The following P2RX5 variants were observed in gnomAD, a reference collection of about 807,000 sequenced individuals.
P2RX5 encodes P2X purinoceptor 5.
Under a neutral mutation model 54.1 loss-of-function variants are expected in P2RX5, and 46 were observed. That is an observed-to-expected ratio of 0.85 (90% confidence interval 0.67 to 1.09). The LOEUF (loss-of-function observed/expected upper bound fraction) is 1.09, where lower values mean the gene tolerates loss of function less well. P2RX5 is among the 50% of genes least tolerant of loss of function. The pLI is 0.00. For missense variants in P2RX5, 566 were observed against 549.8 expected (o/e 1.03, Z -0.29); for synonymous variants, 226 against 226.4 (o/e 1.00, Z 0.02).
At position 3,691,808 on chromosome 17, in the gene P2RX5, G is replaced by T. The variant is rs777411209; in HGVS notation, c.138-14C>A. On this transcript the variant is annotated splice_polypyrimidine_tract_variant and intron_variant, in intron 1 of 11. Coordinates refer to ENST00000225328, the MANE Select transcript of P2RX5 (RefSeq NM_002561.4). ...AGGAACACCCATCTGTGGGAAGGGG[G>T]CCGGTACGTGGGCATCAGCCACTCT... 1 of 1,614,002 alleles carries T rather than the reference G, an allele frequency of 6.2e-7. No individual in the cohort carries two copies. Among genetic ancestry groups the T allele is most frequent in the South Asian group, 1.1e-5 (1 of 91,088 alleles).
At chr17:3,695,169 C>T (rs1463766394) in intron 1 of P2RX5, among the ~76,000 whole-genome samples, 1 of 152,182 alleles carries the variant, frequency 6.6e-6, no homozygotes, top group Non-Finnish European at 1.5e-5. Context: ...CCTGCTCACC[C>T]CCGACCCACC....
the P2RX5 span, among the ~76,000 whole-genome samples, chr17:3,705,713 A>C: frequency 1.3e-5 from 2 of 152,180 alleles, no homozygotes; most frequent in African/African-American, 4.8e-5. Flanking sequence ...TGAAATTTCT[A>C]ATCACCCATT....
In P2RX5 at chr17:3,673,893, A is replaced by G. The variant is rs755034172; in HGVS notation, c.1260-16T>C. Reference sequence around the variant, plus strand: ...TCACGTGCTCCTGGAATATCAGAACAGAAAGGAGCTCTTGAGAGGCTGGCA... The same window carrying G: ...TCACGTGCTCCTGGAATATCAGAACGGAAAGGAGCTCTTGAGAGGCTGGCA... On this transcript the variant is annotated splice_polypyrimidine_tract_variant and intron_variant, in intron 11 of 11. Coordinates refer to ENST00000225328, the MANE Select transcript of P2RX5 (RefSeq NM_002561.4). The G allele has an allele frequency of 5.0e-6, 8 of 1,608,648 alleles. No individual in the cohort carries two copies. The East Asian group carries it at 1.3e-4, about 27-fold the overall frequency.
At chr17:3,723,563 G>A in the P2RX5 span, 6 of 1,114,736 alleles carry the variant, frequency 5.4e-6, no homozygotes, top group Non-Finnish European at 7.8e-6. Context: ...GACGAAGCTA[G>A]GGAGGGCCTG....
the P2RX5 span, among the ~76,000 whole-genome samples, chr17:3,718,731 A>G: frequency 1.3e-5 from 2 of 152,248 alleles, no homozygotes; most frequent in African/African-American, 2.4e-5. Context: ...TGTGCACATA[A>G]GAAACTTAAT....
intron 11 of P2RX5, chr17:3,677,669 G>A (rs550899463): frequency 6.2e-5 from 61 of 985,238 alleles, no homozygotes; most frequent in South Asian, 6.1e-4. Flanking sequence ...AATTACACGC[G>A]GGCCCCTCTC....
intron 9 of P2RX5, chr17:3,682,521 C>T (rs1407659019): frequency 2.7e-5 from 5 of 184,898 alleles, no homozygotes; most frequent in South Asian, 1.0e-4. Flanking sequence ...AGGGCCTGTG[C>T]GGGAAGAGGG....
upstream of P2RX5, among the ~76,000 whole-genome samples, chr17:3,700,698 C>T (rs191400390): frequency 4.8e-4 from 73 of 152,244 alleles, 1 homozygote; most frequent in Admixed American, 1.9e-3. Context: ...GCCTAGTGGG[C>T]GGTGTAGGGT....
chr17:3,680,399 ATCCTCCACCCAGCG>A (rs2050228753), intron 10 of P2RX5, among the ~76,000 whole-genome samples: 1 of 29,460 alleles, frequency 3.4e-5, no homozygotes, highest in African/African-American at 1.5e-4. Flanking sequence ...TCCACCCTGC[ATCCTCCACCCAGCG>A]TCCTCCACCC....
rs1280678449 is a variant in P2RX5, at chr17:3,695,972, A to G, written c.34T>C (p.Ser12Pro). 1.2e-6 allele frequency: 2 copies of G among 1,614,034 alleles called. No homozygotes were observed. The highest frequency in any genetic ancestry group is 3.3e-5 in the Admixed American group (2 of 60,024). The stretch of plus-strand genomic sequence containing the variant: ...TTCTCGGTCTTGTAGTCGAACAGCG[A>G]CAGGCAGAGCCCCTTGCAGCCCGCC... ...GQAGCKGLCL[S>P]LFDYKTEKYV... Residue 12 changes from serine to proline, a missense_variant, in exon 1 of 12, where the codon TCG becomes CCG. Coordinates refer to ENST00000225328, the MANE Select transcript of P2RX5 (RefSeq NM_002561.4).
chr17:3,715,292 G>A, the P2RX5 span, among the ~76,000 whole-genome samples: 1 of 152,180 alleles, frequency 6.6e-6, no homozygotes, highest in Admixed American at 6.5e-5. Context: ...GACAGAAGGA[G>A]ATCAAGTACA....
chr17:3,695,995 G>T lies in P2RX5; in HGVS notation c.11C>A (p.Ala4Glu). The T allele has an allele frequency of 6.2e-7, 1 of 1,613,786 alleles. No individual in the cohort carries two copies. Among genetic ancestry groups the T allele is most frequent in the Middle Eastern group, 1.6e-4 (1 of 6,062 alleles). MGQAGCKGLCLSLF... is the reference protein window; with the variant it reads MGQEGCKGLCLSLF... ...CGACAGGCAGAGCCCCTTGCAGCCC[G>T]CCTGCCCCATGGCGCGCTCTCAGCC... is the stretch of plus-strand genomic sequence containing the variant. The change falls in exon 1 of 12, where the codon GCG (alanine) becomes GAG (glutamate). Residue 4 changes from alanine (A) to glutamate (E), a missense_variant. Ala to Glu is a moderately radical substitution (Grantham distance 107). Transcript: ENST00000225328.
chr17:3,708,327 G>C, the P2RX5 span, among the ~76,000 whole-genome samples: 1 of 152,018 alleles, frequency 6.6e-6, no homozygotes, highest in Non-Finnish European at 1.5e-5. Flanking sequence ...CTTGCCCAAA[G>C]GCTCAGAAGT....
At chr17:3,675,633 C>T in intron 11 of P2RX5, 3 of 874,534 alleles carry the variant, frequency 3.4e-6, no homozygotes, top group Non-Finnish European at 4.1e-6. Context: ...CTCACTGCAA[C>T]CTCTGCCTCC....
At chr17:3,685,781 C>T (rs1294415234) in intron 9 of P2RX5, among the ~76,000 whole-genome samples, 1 of 17,162 alleles carries the variant, frequency 5.8e-5, no homozygotes, top group African/African-American at 8.7e-5. Flanking sequence ...CGTCCCCCGC[C>T]CCCCGCCCAG....
the P2RX5 span, among the ~76,000 whole-genome samples, chr17:3,704,540 C>G: frequency 2.0e-5 from 3 of 152,230 alleles, no homozygotes; most frequent in African/African-American, 7.2e-5. Context: ...GCAGGACACT[C>G]CTCTCTGTGG....
Position 3,688,688 on chromosome 17 carries a change from G to T in P2RX5, c.825C>A (p.His275Gln), listed in dbSNP as rs2050517689. Reference sequence around the variant, plus strand: ...TATTGTCCAGACGGCTAAAAGAATAGTGAGGGTGGCACTCAGAGGCAGCTT... The same window carrying T: ...TATTGTCCAGACGGCTAAAAGAATATTGAGGGTGGCACTCAGAGGCAGCTT... Reference protein sequence around the residue: ...LDKAASECHPHYSFSRLDNKL... With the variant: ...LDKAASECHPQYSFSRLDNKL... Residue 275 changes from histidine (H) to glutamine (Q), a missense_variant, in exon 8 of 12, where the codon CAC becomes CAA. Coordinates refer to ENST00000225328, the MANE Select transcript of P2RX5 (RefSeq NM_002561.4). 1.2e-6 allele frequency: 2 copies of T among 1,613,562 alleles called. No individual in the cohort carries two copies. The highest frequency in any genetic ancestry group is 2.2e-5 in the South Asian group (2 of 91,078).
At position 3,681,901 on chromosome 17, in the gene P2RX5, T is replaced by C. The variant is rs2050294920; in HGVS notation, c.1059A>G (p.Glu353=). The C allele has an allele frequency of 5.0e-6, 8 of 1,611,702 alleles. No individual in the cohort carries two copies. Among genetic ancestry groups the C allele is most frequent in the Middle Eastern group, 1.7e-4 (1 of 6,044 alleles). ...REFYRDKKYE[E]VRGLEDSSQE... The stretch of plus-strand genomic sequence containing the variant: ...GGCCTGGAAGCGGAACTGACCTCAC[T>C]TCCTCGTACTTCTTGTCACGGTAAA... The change falls in exon 10 of 12, where the codon GAA becomes GAG. Residue 353 remains glutamate (E), a synonymous_variant. Coordinates refer to ENST00000225328, the MANE Select transcript of P2RX5 (RefSeq NM_002561.4).
chr17:3,707,412 G>A, the P2RX5 span, among the ~76,000 whole-genome samples: 3 of 152,102 alleles, frequency 2.0e-5, no homozygotes, highest in Non-Finnish European at 4.4e-5. Flanking sequence ...TCATCCGGGA[G>A]CCAAAAGACC....
Sources: allele counts gnomAD v4.1 joint callset (sites outside exome capture counted in the v4.1 genomes callset), GRCh38; gene constraint gnomAD v4.1.1; transcripts MANE v1.5; gene names NCBI Gene and HGNC (gene_info 2026-07-23, HGNC 2026-07-21).